The following CNTN3 variants were observed in gnomAD, a reference collection of about 807,000 sequenced individuals.
CNTN3 encodes the protein contactin 3.
In CNTN3, 60 loss-of-function variants were observed where a neutral mutation model predicts 119.1. The ratio of observed to expected loss-of-function variants is 0.50; its 90% CI spans 0.41 to 0.62. CNTN3 has a LOEUF of 0.62. Ranked by LOEUF, CNTN3 falls within the 20% of genes least tolerant of loss-of-function variation. The pLI is 0.00. For synonymous variants in CNTN3, 450 were observed against 438.7 expected (o/e 1.03, Z -0.32); for missense variants, 1,101 against 1,242.4 (o/e 0.89, Z 1.71).
chr3:74,507,626 C>T (rs866325892), intron 2 of CNTN3, among the ~76,000 whole-genome samples: 18 of 103,658 alleles, frequency 1.7e-4, no homozygotes, highest in African/African-American at 6.0e-4. Context: ...TTCTTTCTTT[C>T]TTTTTTTTTT....
intron 20 of CNTN3, 138 bp downstream of exon 20, chr3:74,285,167 G>C: frequency 1.1e-6 from 1 of 901,870 alleles, no homozygotes; most frequent in Non-Finnish European, 1.6e-6. Flanking sequence ...TTGGGTTTTG[G>C]AGTTAGGTTT....
chr3:74,294,848 T>C (rs1702306078), intron 19 of CNTN3, among the ~76,000 whole-genome samples: 1 of 152,198 alleles, frequency 6.6e-6, no homozygotes, highest in Admixed American at 6.5e-5. Context: ...CTCACCCTTA[T>C]TTTTTAGTCA....
rs140480742 is a variant in CNTN3, at chr3:74,444,591, T to G, written c.359-19651A>C. ...TTAATGTCCAACAATGCTAACTTTCTTGTTTCAAGCAAAGATGCTTTGCCT... is the reference window on the plus strand; with the variant it reads ...TTAATGTCCAACAATGCTAACTTTCGTGTTTCAAGCAAAGATGCTTTGCCT... On this transcript the variant is annotated intron_variant, in intron 4 of 22. Transcript: ENST00000263665. 3.3e-5 allele frequency among the ~76,000 whole-genome samples: 5 copies of G among 152,232 alleles called. No individual in the cohort carries two copies. In the East Asian group the frequency reaches 9.7e-4, roughly 30 times the overall value.
At chr3:74,607,893 T>C (rs575047915) in intron 1 of CNTN3, among the ~76,000 whole-genome samples, 5 of 152,268 alleles carry the variant, frequency 3.3e-5, no homozygotes, top group African/African-American at 1.2e-4. Context: ...TGTAGGGCTA[T>C]ACACATATTC....
At chr3:74,350,443 C>G (rs968195059) in intron 11 of CNTN3, among the ~76,000 whole-genome samples, 14 of 152,148 alleles carry the variant, frequency 9.2e-5, no homozygotes, top group African/African-American at 3.1e-4. Flanking sequence ...TGAGGGTACA[C>G]AGAAAAGGGA....
At chr3:74,426,377 T>C (rs1387284556) in intron 4 of CNTN3, among the ~76,000 whole-genome samples, 1 of 152,192 alleles carries the variant, frequency 6.6e-6, no homozygotes, top group Non-Finnish European at 1.5e-5. Context: ...AAGCAGTATA[T>C]GTATTTTAGA....
intron 3 of CNTN3, among the ~76,000 whole-genome samples, chr3:74,491,026 G>A (rs35036957): frequency 0.48 from 73,015 of 151,902 alleles, 19,830 homozygotes; most frequent in Non-Finnish European, 0.61. Context: ...AAATATGTGA[G>A]CTCAAAAGGG....
In CNTN3 at chr3:74,308,571, T is replaced by C. The variant is rs1316314262; in HGVS notation, c.1669-5764A>G. Among the ~76,000 whole-genome samples the C allele has an allele frequency of 3.3e-5, 5 of 152,278 alleles. No individual in the cohort carries two copies. In the South Asian group the frequency reaches 1.0e-3, roughly 32 times the overall value. On this transcript the variant is annotated intron_variant, in intron 13 of 22. Transcript: ENST00000263665. ...CAAGTGCCACGGTGCCTCAAAGGTA[T>C]CTGCTTTTTAATTTCAACATCAAGT... is the stretch of plus-strand genomic sequence containing the variant.
intron 11 of CNTN3, among the ~76,000 whole-genome samples, chr3:74,347,093 A>C (rs781460404): frequency 2.0e-5 from 3 of 152,222 alleles, no homozygotes; most frequent in Non-Finnish European, 4.4e-5. Flanking sequence ...ATTCCCACAC[A>C]GGACACAGTC....
At chr3:74,304,116 T>A (rs887331775) in intron 13 of CNTN3, among the ~76,000 whole-genome samples, 3 of 152,192 alleles carry the variant, frequency 2.0e-5, no homozygotes, top group African/African-American at 7.2e-5. Flanking sequence ...TTGCTTCCCA[T>A]CTTTAGGATT....
At chr3:74,610,603 T>C (rs1034145645) in intron 1 of CNTN3, among the ~76,000 whole-genome samples, 6 of 151,956 alleles carry the variant, frequency 3.9e-5, no homozygotes, top group African/African-American at 1.5e-4. Flanking sequence ...CTGAGTTCAA[T>C]GAAAAGCCAT....
At chr3:74,324,797 A>G (rs1400538421) in intron 13 of CNTN3, among the ~76,000 whole-genome samples, 1 of 152,194 alleles carries the variant, frequency 6.6e-6, no homozygotes, top group East Asian at 1.9e-4. Context: ...AAAAATGAAA[A>G]AAAAAATTCT....
intron 5 of CNTN3, among the ~76,000 whole-genome samples, chr3:74,387,594 G>C (rs566941821): frequency 1.3e-5 from 2 of 152,336 alleles, no homozygotes; most frequent in East Asian, 3.9e-4. Context: ...CTATGGGCCT[G>C]AAAAGTGTCA....
chr3:74,393,124 C>A (rs1032555161), intron 5 of CNTN3, among the ~76,000 whole-genome samples: 2 of 152,180 alleles, frequency 1.3e-5, no homozygotes, highest in Non-Finnish European at 2.9e-5. Flanking sequence ...TCTTCTATCC[C>A]AGTAATGGAC....
chr3:74,373,293 C>A (rs968012323), intron 5 of CNTN3, among the ~76,000 whole-genome samples: 1 of 152,148 alleles, frequency 6.6e-6, no homozygotes, highest in Non-Finnish European at 1.5e-5. Flanking sequence ...AAACTGGCAG[C>A]TGTTGTAGCA....
intron 19 of CNTN3, among the ~76,000 whole-genome samples, chr3:74,286,538 T>C (rs2106785312): frequency 6.6e-6 from 1 of 152,196 alleles, no homozygotes; most frequent in Non-Finnish European, 1.5e-5. Flanking sequence ...GAACAGAGCC[T>C]GTATAGAGAA....
At chr3:74,310,343 C>A (rs1348729533) in intron 13 of CNTN3, among the ~76,000 whole-genome samples, 1 of 152,128 alleles carries the variant, frequency 6.6e-6, no homozygotes, top group Non-Finnish European at 1.5e-5. Flanking sequence ...TACCCCAAAC[C>A]TTAGTGGATT....
At chr3:74,303,133 C>A (rs533318803) in intron 13 of CNTN3, among the ~76,000 whole-genome samples, 5 of 152,310 alleles carry the variant, frequency 3.3e-5, no homozygotes, top group African/African-American at 1.2e-4. Flanking sequence ...CTTTTTATAT[C>A]CACTGCTCAG....
chr3:74,590,507 G>A (rs1211666715), intron 1 of CNTN3, among the ~76,000 whole-genome samples: 1 of 151,862 alleles, frequency 6.6e-6, no homozygotes, highest in Non-Finnish European at 1.5e-5. Flanking sequence ...ACTCTGGGCA[G>A]TGCTCAGAGC....
Sources: allele counts gnomAD v4.1 joint callset (sites outside exome capture counted in the v4.1 genomes callset), GRCh38; gene constraint gnomAD v4.1.1; transcripts MANE v1.5; gene names NCBI Gene and HGNC (gene_info 2026-07-23, HGNC 2026-07-21).